Variants in RARB observed in about 807,000 individuals in gnomAD.
RARB encodes the protein HBV-activated protein.
Under a neutral mutation model 51.9 loss-of-function variants are expected in RARB, and 17 were observed. That is an observed-to-expected ratio of 0.33 (90% CI 0.22 to 0.49). The LOEUF is 0.49. Ranked by LOEUF, RARB falls within the 20% of genes least tolerant of loss-of-function variation. RARB has a pLI of 0.99. For missense variants in RARB, 369 were observed against 550.8 expected (o/e 0.67, Z 3.30); for synonymous variants, 215 against 195.4 (o/e 1.10, Z -0.84).
At chr3:25,064,367 CT>C (rs1218684805) in intron 3 of RARB, among the ~76,000 whole-genome samples, 1 of 151,998 alleles carries the variant, frequency 6.6e-6, no homozygotes, top group Non-Finnish European at 1.5e-5. Flanking sequence ...CCCAAAGTAT[CT>C]TTTTGATATA....
At chr3:25,569,545 T>C (rs1042389663) in intron 3 of RARB, among the ~76,000 whole-genome samples, 1 of 152,182 alleles carries the variant, frequency 6.6e-6, no homozygotes, top group African/African-American at 2.4e-5. Flanking sequence ...GACGGGCACA[T>C]GCATATACAG....
At chr3:25,502,210 T>C (rs757892052) in intron 3 of RARB, among the ~76,000 whole-genome samples, 9 of 152,144 alleles carry the variant, frequency 5.9e-5, no homozygotes, top group Non-Finnish European at 8.8e-5. Context: ...TAGAGATACC[T>C]GAGACATGGC....
chr3:25,382,658 C>G (rs1045250923), intron 5 of RARB, among the ~76,000 whole-genome samples: 1 of 152,168 alleles, frequency 6.6e-6, no homozygotes, highest in Non-Finnish European at 1.5e-5. Flanking sequence ...GAGTTCAAGA[C>G]CAGCCTGGCC....
chr3:25,448,234 A>G (rs1250762015), intron 1 of RARB, among the ~76,000 whole-genome samples: 1 of 152,088 alleles, frequency 6.6e-6, no homozygotes, highest in Non-Finnish European at 1.5e-5. Flanking sequence ...CGGGAATATC[A>G]AAAAAAGACC....
chr3:25,430,781 G>C (rs1708172619), intron 1 of RARB, among the ~76,000 whole-genome samples: 1 of 152,174 alleles, frequency 6.6e-6, no homozygotes. Context: ...AGAAATTCCA[G>C]TGTCTTATTT....
chr3:24,832,492 C>G (rs1376313970), intron 1 of RARB, among the ~76,000 whole-genome samples: 1 of 151,716 alleles, frequency 6.6e-6, no homozygotes, highest in East Asian at 1.9e-4. Context: ...TAGTTGGCTA[C>G]AAACTTATTT....
chr3:25,114,508 T>C (rs185207189), intron 3 of RARB, among the ~76,000 whole-genome samples: 9 of 152,330 alleles, frequency 5.9e-5, no homozygotes, highest in Non-Finnish European at 1.3e-4. Flanking sequence ...ATGTGTAACT[T>C]TATATTTTAC....
At chr3:24,949,961 C>G (rs1293587402) in intron 2 of RARB, among the ~76,000 whole-genome samples, 1 of 152,188 alleles carries the variant, frequency 6.6e-6, no homozygotes, top group Non-Finnish European at 1.5e-5. Flanking sequence ...GGATCACACC[C>G]AATAACAGAG....
intron 3 of RARB, among the ~76,000 whole-genome samples, chr3:25,075,934 A>C (rs147383192): frequency 1.3e-5 from 2 of 151,952 alleles, no homozygotes; most frequent in Non-Finnish European, 2.9e-5. Flanking sequence ...TGTTTGTGCC[A>C]TTAGATGTCT....
intron 3 of RARB, among the ~76,000 whole-genome samples, chr3:25,076,412 T>A (rs1698871753): frequency 6.6e-6 from 1 of 152,174 alleles, no homozygotes; most frequent in Non-Finnish European, 1.5e-5. Context: ...AGCAGTTAAT[T>A]TTTTAATTCA....
chr3:25,293,616 A>AAAAAAAAAAAAAAAAAAAC (rs1703844505), intron 5 of RARB, among the ~76,000 whole-genome samples: 1 of 150,578 alleles, frequency 6.6e-6, no homozygotes, highest in Non-Finnish European at 1.5e-5. Flanking sequence ...AAAAAAAAAA[A>AAAAAAAAAAAAAAAAAAAC]AAGTTCAGAG....
chr3:24,832,389 A>C (rs999168065), intron 1 of RARB, among the ~76,000 whole-genome samples: 6 of 152,022 alleles, frequency 3.9e-5, no homozygotes, highest in Admixed American at 1.3e-4. Flanking sequence ...ATATATTTCA[A>C]GTACAGAGAA....
At chr3:25,392,016 C>A (rs551556381) in intron 5 of RARB, among the ~76,000 whole-genome samples, 1 of 151,976 alleles carries the variant, frequency 6.6e-6, no homozygotes, top group African/African-American at 2.4e-5. Context: ...GAATTTTTAT[C>A]GTTCCAGGTC....
intron 3 of RARB, among the ~76,000 whole-genome samples, chr3:25,113,030 C>T (rs1039615660): frequency 2.0e-5 from 3 of 152,070 alleles, no homozygotes; most frequent in Non-Finnish European, 4.4e-5. Flanking sequence ...GTTTGTTTTC[C>T]TGTAGTTTTG....
chr3:24,863,481 T>A (rs1051346493), intron 2 of RARB, among the ~76,000 whole-genome samples: 2 of 152,126 alleles, frequency 1.3e-5, no homozygotes, highest in African/African-American at 2.4e-5. Context: ...TGTAATATCA[T>A]TTGCCTGCCA....
chr3:25,395,658 TGAA>T, intron 5 of RARB, among the ~76,000 whole-genome samples: 1 of 152,206 alleles, frequency 6.6e-6, no homozygotes, highest in South Asian at 2.1e-4. Flanking sequence ...CATCAAGCTC[TGAA>T]GTTCTTTCTT....
intron 2 of RARB, among the ~76,000 whole-genome samples, chr3:24,880,241 T>G (rs1477438980): frequency 6.6e-6 from 1 of 151,966 alleles, no homozygotes; most frequent in African/African-American, 2.4e-5. Context: ...TATGTATGGC[T>G]ATCAGACATT....
chr3:24,951,835 C>T (rs1695899428), intron 2 of RARB, among the ~76,000 whole-genome samples: 1 of 152,308 alleles, frequency 6.6e-6, no homozygotes, highest in Middle Eastern at 3.4e-3. Context: ...ATTGATTAAC[C>T]TTACAGGTAA....
At chr3:25,463,587 C>T (rs375582883) in intron 2 of RARB, among the ~76,000 whole-genome samples, 3 of 151,374 alleles carry the variant, frequency 2.0e-5, no homozygotes, top group South Asian at 2.1e-4. Flanking sequence ...TGCTTGAACC[C>T]GGGAGGCAGA....
Sources: allele counts gnomAD v4.1 joint callset (sites outside exome capture counted in the v4.1 genomes callset), GRCh38; gene constraint gnomAD v4.1.1; transcripts MANE v1.5; gene names NCBI Gene and HGNC (gene_info 2026-07-23, HGNC 2026-07-21).